Variants in UBE2Q1 observed in about 807,000 individuals in gnomAD.
UBE2Q1 encodes the protein ubiquitin-conjugating enzyme E2 Q1.
In UBE2Q1, 6 loss-of-function variants were observed where a neutral mutation model predicts 60.1. The ratio of observed to expected loss-of-function variants is 0.10; its 90% CI spans 0.05 to 0.20. The LOEUF is 0.20. Ranked by LOEUF, UBE2Q1 falls within the 10% of genes least tolerant of loss-of-function variation. UBE2Q1 has a pLI of 1.00. For missense variants in UBE2Q1, 262 were observed against 525.8 expected (o/e 0.50, Z 4.91); for synonymous variants, 226 against 208.3 (o/e 1.09, Z -0.73).
At position 154,550,859 on chromosome 1, in the gene UBE2Q1, G is replaced by C; in HGVS notation, c.1237+79C>G. ...TTGAGTATCAGAAACCAAAAGAAGG[G>C]GTTCTTGCTCTGTGGCTGGAAGTGA... On this transcript the variant is annotated intron_variant, in intron 12 of 12. Coordinates refer to ENST00000292211, the MANE Select transcript of UBE2Q1 (RefSeq NM_017582.7). 3 of 1,611,344 alleles carry C rather than the reference G, an allele frequency of 1.9e-6. No homozygotes were observed. In the Admixed American group the frequency reaches 5.0e-5, roughly 27 times the overall value.
At chr1:154,551,160 A>G in intron 11 of UBE2Q1, 156 bp from the exon 12 acceptor site, 1 of 941,354 alleles carries the variant, frequency 1.1e-6, no homozygotes, top group Non-Finnish European at 1.6e-6. Flanking sequence ...GGTCCCTTGG[A>G]GGCATAATCC....
Position 154,552,439 on chromosome 1 carries a change from A to G in UBE2Q1, c.840T>C (p.Asn280=). The G allele has an allele frequency of 1.2e-6, 2 of 1,614,250 alleles. No homozygotes were observed. Among genetic ancestry groups the G allele is most frequent in the Non-Finnish European group, 8.5e-7 (1 of 1,180,048 alleles). The change falls in exon 7 of 13, where the codon AAT becomes AAC. Residue 280 remains asparagine (N), a synonymous_variant. Transcript: ENST00000292211. ...KGGNYAVELV[N]DSLYDWNVKL... ...TGACATTCCAATCATACAGACTGTCATTCACGAGTTCGACTGCATAGTTTC... is the reference window on the plus strand; with the variant it reads ...TGACATTCCAATCATACAGACTGTCGTTCACGAGTTCGACTGCATAGTTTC...
chr1:154,555,854 C>T lies in UBE2Q1; in HGVS notation c.432+6G>A. 2 of 1,613,786 alleles carry T rather than the reference C, an allele frequency of 1.2e-6. No homozygotes were observed. Among genetic ancestry groups the T allele is most frequent in the Non-Finnish European group, 1.7e-6 (2 of 1,179,708 alleles). ...AAAATGTACCCCTACCCTGTGGCCCCCTCACCAGAGTATTCCCTTTCTTTA... is the reference window on the plus strand; with the variant it reads ...AAAATGTACCCCTACCCTGTGGCCCTCTCACCAGAGTATTCCCTTTCTTTA... On this transcript the variant is annotated splice_donor_region_variant and intron_variant, in intron 2 of 12. Transcript: ENST00000292211.
At chr1:154,551,193 C>T (rs1029071974) in intron 11 of UBE2Q1, 189 bp from the exon 12 acceptor site, 9 of 846,026 alleles carry the variant, frequency 1.1e-5, no homozygotes, top group Admixed American at 5.2e-5. Context: ...TTTCCAGACC[C>T]GAAACCTCCC....
chr1:154,556,917 C>T (rs1033298949), intron 1 of UBE2Q1, among the ~76,000 whole-genome samples: 9 of 152,198 alleles, frequency 5.9e-5, no homozygotes, highest in Non-Finnish European at 1.3e-4. Flanking sequence ...CCTTATCCAC[C>T]TCTACTGGGT....
Position 154,558,298 on chromosome 1 carries a change from C to A in UBE2Q1, c.256G>T (p.Ala86Ser), listed in dbSNP as rs202059318. 3,418 of 1,582,538 alleles carry A rather than the reference C, an allele frequency of 2.2e-3. 15 individuals carry two copies. The highest frequency in any genetic ancestry group is 8.5e-3 in the Middle Eastern group (42 of 4,932). The part of the protein sequence containing the change: ...AGAGGAGAGA[A>S]PGPHLPPRGS... ...CGTGGGGGGAGATGCGGTCCGGGCG[C>A]GGCCCCCGCCCCGGCCCCTCCGGCC... is the stretch of plus-strand genomic sequence containing the variant. Residue 86 changes from alanine to serine, a missense_variant, in exon 1 of 13, where the codon GCG (alanine) becomes TCG (serine). By Grantham distance (99) the Ala-to-Ser change is moderately conservative. This residue lies in a region of UBE2Q1 where 49 missense variants were observed against 32.5 expected (regional missense o/e 1.51). Coordinates refer to ENST00000292211, the MANE Select transcript of UBE2Q1 (RefSeq NM_017582.7).
At chr1:154,554,813 T>A (rs370429012) in intron 3 of UBE2Q1, 28 bp from the exon 4 acceptor site, 11 of 1,611,354 alleles carry the variant, frequency 6.8e-6, no homozygotes, top group Non-Finnish European at 8.5e-6. Context: ...AAGATGGAGA[T>A]CAGAGCCCCA....
In UBE2Q1 at chr1:154,558,437, GGGCCCC is replaced by G. The variant is rs1249952792; in HGVS notation, c.111_116del (p.Gly38_Pro39del). ...GCAGCTTCAGCTCTCGCCTCAGGCA[GGGCCCC>G]GGCCCCGGGCCCCCCCCTGGGCCGC... is the stretch of plus-strand genomic sequence containing the variant. On this transcript the variant is annotated inframe_deletion, in exon 1 of 13. Transcript: ENST00000292211. The G allele has an allele frequency of 6.7e-7, 1 of 1,489,512 alleles. No individual in the cohort carries two copies. Among genetic ancestry groups the G allele is most frequent in the African/African-American group, 1.5e-5 (1 of 68,496 alleles). The allele number at this position is 1,489,512 out of a possible 1,614,324, so 92.3% of individuals were successfully genotyped here.
Position 154,555,959 on chromosome 1 carries a change from T to C in UBE2Q1, c.333A>G (p.Ser111=), listed in dbSNP as rs1188040861. The change falls in exon 2 of 13, where the codon TCA becomes TCG. Residue 111 remains serine, a synonymous_variant. Transcript: ENST00000292211. ...ACCAGATGGGGGGCACAGCAGGGTA[T>C]GACTCCTGAAGGGAAAAGAGCAATA... The part of the protein sequence containing the change: ...PVRIHCNITE[S]YPAVPPIWSV... 2.5e-6 allele frequency: 4 copies of C among 1,613,826 alleles called. No individual in the cohort carries two copies. In the African/African-American group the frequency reaches 5.3e-5, roughly 22 times the overall value.
Position 154,550,206 on chromosome 1 carries a change from A to C in UBE2Q1, c.*232T>G. The C allele has an allele frequency of 1.9e-6, 1 of 520,936 alleles. No homozygotes were observed. Among genetic ancestry groups the C allele is most frequent in the Non-Finnish European group, 3.4e-6 (1 of 297,274 alleles). 32.3% of individuals were successfully genotyped at this position (520,936 alleles called of 1,614,324 possible). On this transcript the variant is annotated 3_prime_UTR_variant, in exon 13 of 13. Coordinates refer to ENST00000292211, the MANE Select transcript of UBE2Q1 (RefSeq NM_017582.7). ...AAGAATGCCTGCTAGCAAGGGTTCCAGCAAGGTGGTTGGTTGGTCTGTAAG... is the reference window on the plus strand; with the variant it reads ...AAGAATGCCTGCTAGCAAGGGTTCCCGCAAGGTGGTTGGTTGGTCTGTAAG...
chr1:154,551,092 A>C, intron 11 of UBE2Q1, 88 bp from the exon 12 acceptor site: 5 of 1,493,100 alleles, frequency 3.3e-6, no homozygotes, highest in Non-Finnish European at 4.7e-6. Context: ...CAGAGACCCC[A>C]GAGTCCCAGC....
chr1:154,558,476 C>T lies in UBE2Q1; in HGVS notation c.78G>A (p.Gly26=), dbSNP rs1571012757. 7.7e-7 allele frequency: 1 copy of T among 1,296,482 alleles called. No individual in the cohort carries two copies. Among genetic ancestry groups the T allele is most frequent in the Non-Finnish European group, 9.7e-7 (1 of 1,027,174 alleles). 80.3% of individuals were successfully genotyped at this position (1,296,482 alleles called of 1,614,324 possible). Residue 26 remains glycine (G), a synonymous_variant, in exon 1 of 13, where the codon GGG becomes GGA. Transcript: ENST00000292211. ...QQLGGQGAAP[G]AGGGPGGGPG... is the part of the protein sequence containing the mutation. ...GGCCCCCCCCTGGGCCGCCCCCGGC[C>T]CCCGGCGCCGCCCCCTGGCCCCCCA...
chr1:154,557,587 G>A (rs751072028), intron 1 of UBE2Q1, among the ~76,000 whole-genome samples: 2 of 152,204 alleles, frequency 1.3e-5, no homozygotes, highest in Non-Finnish European at 2.9e-5. Context: ...TAGGGAACAG[G>A]CAGGGGAGTG....
intron 3 of UBE2Q1, 32 bp from the exon 4 acceptor site, chr1:154,554,817 A>C (rs1217623476): frequency 1.9e-6 from 3 of 1,610,460 alleles, no homozygotes; most frequent in Non-Finnish European, 2.5e-6. Context: ...TGGAGATCAG[A>C]GCCCCAGTGG....
At chr1:154,555,008 G>A in intron 3 of UBE2Q1, 1 of 551,988 alleles carries the variant, frequency 1.8e-6, no homozygotes, top group Middle Eastern at 4.8e-4. Flanking sequence ...TAAAAGAAAA[G>A]CAAAATGGCT....
chr1:154,554,918 GC>G, intron 3 of UBE2Q1, 133 bp from the exon 4 acceptor site: 1 of 871,236 alleles, frequency 1.1e-6, no homozygotes, highest in East Asian at 2.7e-5. Flanking sequence ...CTCTCCACCA[GC>G]CAGATCTGAG....
At chr1:154,555,265 G>C (rs1695863374) in intron 3 of UBE2Q1, among the ~76,000 whole-genome samples, 163 bp downstream of exon 3, 1 of 152,208 alleles carries the variant, frequency 6.6e-6, no homozygotes, top group African/African-American at 2.4e-5. Context: ...TTTAGCAAAA[G>C]AAGATTCCCA....
chr1:154,551,043 T>C (rs1273130560), intron 11 of UBE2Q1, 39 bp from the exon 12 acceptor site: 7 of 1,607,616 alleles, frequency 4.4e-6, no homozygotes, highest in Non-Finnish European at 5.1e-6. Flanking sequence ...CATGGCTAGC[T>C]GTGGCCTTAC....
At chr1:154,551,647 G>T in intron 10 of UBE2Q1, 124 bp downstream of exon 10, 3 of 1,496,998 alleles carry the variant, frequency 2.0e-6, no homozygotes, top group South Asian at 2.3e-5. Context: ...AGTGGGTGCA[G>T]ACCCAGCCCA....
Sources: allele counts gnomAD v4.1 joint callset (sites outside exome capture counted in the v4.1 genomes callset), GRCh38; gene constraint gnomAD v4.1.1; regional missense constraint gnomAD v4.1.1; transcripts MANE v1.5; gene names NCBI Gene and HGNC (gene_info 2026-07-23, HGNC 2026-07-21).